The following CCNY variants were observed in gnomAD, a reference collection of about 807,000 sequenced individuals.
The protein encoded by CCNY is cyclin-Y.
Under a neutral mutation model 42.8 loss-of-function variants are expected in CCNY, and 19 were observed. The ratio of observed to expected loss-of-function variants is 0.44; its 90% CI spans 0.31 to 0.65. CCNY has a LOEUF of 0.65. CCNY is among the 30% of genes least tolerant of loss of function. The pLI is 0.07. For synonymous variants in CCNY, 165 were observed against 162.7 expected (o/e 1.01, Z -0.11); for missense variants, 370 against 437.3 (o/e 0.85, Z 1.37).
chr10:35,299,254 A>G (rs1452729791), intron 3 of CCNY, among the ~76,000 whole-genome samples: 12 of 152,202 alleles, frequency 7.9e-5, no homozygotes. Flanking sequence ...TGCAGGGTGG[A>G]GCGTTCTGTA....
intron 3 of CCNY, among the ~76,000 whole-genome samples, chr10:35,270,725 T>C (rs1321729047): frequency 8.3e-6 from 1 of 120,224 alleles, no homozygotes; most frequent in Non-Finnish European, 1.7e-5. Flanking sequence ...TTCTTTTTTT[T>C]TTCTTTTTTT....
chr10:35,484,760 C>T (rs1212832442), intron 2 of CCNY, among the ~76,000 whole-genome samples: 1 of 152,158 alleles, frequency 6.6e-6, no homozygotes, highest in African/African-American at 2.4e-5. Context: ...ACTATAAAAA[C>T]AAGAAACAAA....
rs966753761 is a variant in CCNY, at chr10:35,337,158, G to C, written c.105G>C (p.Glu35Asp). ...GGCCAGACACGGACCTGAGCCGCGA[G>C]GACACGGGCTGCAACCTGCAGCACA... ...SYRPDTDLSR[E>D]DTGCNLQHIS... Residue 35 changes from glutamate to aspartate, a missense_variant, in exon 1 of 10, where the codon GAG (glutamate) becomes GAC (aspartate). Around this residue, in one of 2 missense-constraint regions of CCNY, gnomAD observed 136 missense variants for 124.2 expected, o/e 1.09. Coordinates refer to ENST00000374704, the MANE Select transcript of CCNY (RefSeq NM_145012.6). 47 of 1,581,424 alleles carry C rather than the reference G, an allele frequency of 3.0e-5. No individual in the cohort carries two copies. The highest frequency in any genetic ancestry group is 4.0e-5 in the Non-Finnish European group (47 of 1,166,228).
At chr10:35,419,772 A>ATG (rs148280363) in intron 1 of CCNY, among the ~76,000 whole-genome samples, 27 of 151,292 alleles carry the variant, frequency 1.8e-4, no homozygotes, top group Non-Finnish European at 2.9e-4. Flanking sequence ...GTGTGCATTT[A>ATG]TGTGTGTGTG....
chr10:35,419,728 A>T (rs561345422), intron 1 of CCNY, among the ~76,000 whole-genome samples: 1 of 151,980 alleles, frequency 6.6e-6, no homozygotes, highest in African/African-American at 2.4e-5. Context: ...GCTTTATCTC[A>T]TGTCTCTCTT....
chr10:35,354,618 C>A (rs961524491), intron 1 of CCNY, among the ~76,000 whole-genome samples: 6 of 152,084 alleles, frequency 3.9e-5, no homozygotes, highest in Non-Finnish European at 8.8e-5. Context: ...ACATTGGGGC[C>A]CATCTTGGAT....
chr10:35,296,183 G>T (rs984657377), intron 3 of CCNY, among the ~76,000 whole-genome samples: 6 of 152,158 alleles, frequency 3.9e-5, no homozygotes, highest in Non-Finnish European at 7.3e-5. Flanking sequence ...AATCAGAGCT[G>T]AATTGAAGGA....
At chr10:35,344,714 A>G (rs899812857) in intron 1 of CCNY, among the ~76,000 whole-genome samples, 2 of 152,002 alleles carry the variant, frequency 1.3e-5, no homozygotes, top group Non-Finnish European at 2.9e-5. Flanking sequence ...TCCTAATGCT[A>G]TCCCTCCCCA....
chr10:35,545,341 T>C (rs547947369), intron 7 of CCNY, among the ~76,000 whole-genome samples: 37 of 152,280 alleles, frequency 2.4e-4, no homozygotes, highest in African/African-American at 8.2e-4. Context: ...CAGAACTTCA[T>C]TGTCTCCCAG....
chr10:35,306,168 G>A (rs1163769271), intron 3 of CCNY, among the ~76,000 whole-genome samples: 2 of 152,126 alleles, frequency 1.3e-5, no homozygotes, highest in African/African-American at 4.8e-5. Flanking sequence ...CTGAGTAGCT[G>A]GGATTACAGG....
At chr10:35,436,517 A>T (rs1838536318) in intron 1 of CCNY, among the ~76,000 whole-genome samples, 1 of 152,132 alleles carries the variant, frequency 6.6e-6, no homozygotes, top group Non-Finnish European at 1.5e-5. Context: ...TGCTCCAGGG[A>T]GAGAGCTGTT....
At chr10:35,374,629 T>C (rs974163687) in intron 1 of CCNY, among the ~76,000 whole-genome samples, 1 of 152,218 alleles carries the variant, frequency 6.6e-6, no homozygotes, top group Non-Finnish European at 1.5e-5. Flanking sequence ...AAGTATTCCA[T>C]TGAATGGCGA....
At chr10:35,415,840 G>A (rs1295854954) in intron 1 of CCNY, among the ~76,000 whole-genome samples, 1 of 152,156 alleles carries the variant, frequency 6.6e-6, no homozygotes, top group East Asian at 1.9e-4. Context: ...TCACACATGG[G>A]CTCAGCCATC....
intron 1 of CCNY, among the ~76,000 whole-genome samples, chr10:35,471,317 A>G (rs1839387868): frequency 6.6e-6 from 1 of 152,138 alleles, no homozygotes; most frequent in African/African-American, 2.4e-5. Flanking sequence ...CCTCCTCTCC[A>G]TCCAGTGCTG....
chr10:35,438,460 C>T (rs1186905036), intron 1 of CCNY, among the ~76,000 whole-genome samples: 2 of 152,130 alleles, frequency 1.3e-5, no homozygotes, highest in Non-Finnish European at 2.9e-5. Flanking sequence ...TTGGCCTAAC[C>T]ATCTTTTTAA....
intron 1 of CCNY, among the ~76,000 whole-genome samples, chr10:35,442,780 G>A (rs533239892): frequency 9.0e-4 from 137 of 152,270 alleles, no homozygotes; most frequent in African/African-American, 2.7e-3. Context: ...ATATACAGTC[G>A]TGTCACTTAA....
intron 2 of CCNY, among the ~76,000 whole-genome samples, chr10:35,494,053 G>A (rs1249876964): frequency 6.6e-6 from 1 of 152,076 alleles, no homozygotes; most frequent in African/African-American, 2.4e-5. Context: ...GCACTGCTGT[G>A]CCCAGTCCCA....
chr10:35,467,750 C>T (rs1042225654), intron 1 of CCNY, among the ~76,000 whole-genome samples: 6 of 152,126 alleles, frequency 3.9e-5, no homozygotes, highest in East Asian at 1.9e-4. Flanking sequence ...GATGTTTCAC[C>T]GTTAAGTATA....
intron 4 of CCNY, among the ~76,000 whole-genome samples, chr10:35,521,783 A>G (rs1407824803): frequency 6.6e-6 from 1 of 152,150 alleles, no homozygotes; most frequent in Non-Finnish European, 1.5e-5. Flanking sequence ...GCCAGCATGC[A>G]CGGTAAGCCC....
Sources: allele counts gnomAD v4.1 joint callset (sites outside exome capture counted in the v4.1 genomes callset), GRCh38; gene constraint gnomAD v4.1.1; regional missense constraint gnomAD v4.1.1; transcripts MANE v1.5; gene names NCBI Gene and HGNC (gene_info 2026-07-23, HGNC 2026-07-21).